Variants in RBM26 observed in about 807,000 individuals in gnomAD.
RBM26 encodes the protein RNA-binding protein 26.
Under a neutral mutation model 123.6 loss-of-function variants are expected in RBM26, and 30 were observed. The ratio of observed to expected loss-of-function variants is 0.24; its 90% CI spans 0.18 to 0.33. RBM26 has a LOEUF of 0.33. Among genes scored for constraint, RBM26 ranks in the 10% least tolerant of loss-of-function variants. The pLI, the probability that RBM26 is intolerant of heterozygous loss-of-function variation, is 1.00. For synonymous variants in RBM26, 400 were observed against 404.4 expected, an observed-to-expected ratio of 0.99 and a Z score of 0.13; for missense variants, 947 against 1,203.6, an observed-to-expected ratio of 0.79 and a Z score of 3.15.
chr13:79,340,596 A>G (rs1366949900), intron 18 of RBM26, among the ~76,000 whole-genome samples: 2 of 151,992 alleles, frequency 1.3e-5, no homozygotes, highest in East Asian at 3.8e-4. Context: ...ACAGGAATCA[A>G]TTTCACTAGG....
chr13:79,318,414 A>G (rs370215030), downstream of RBM26, among the ~76,000 whole-genome samples: 47 of 151,590 alleles, frequency 3.1e-4, no homozygotes, highest in East Asian at 7.3e-3. Flanking sequence ...AAATGAAAAC[A>G]TATGAAAGTA....
chr13:79,405,878 C>T lies in RBM26; in HGVS notation c.-104G>A, dbSNP rs1429649136. On this transcript the variant is annotated 5_prime_UTR_variant, in exon 1 of 22. Transcript: ENST00000438737. ...CTCCTCCGCGCGCCGCCCGCGTGGG[C>T]CGCGGTGGGAGGCGCCGGTGGCAGG... 3 of 604,412 alleles carry T rather than the reference C, an allele frequency of 5.0e-6. No individual in the cohort carries two copies. The highest frequency in any genetic ancestry group is 7.2e-6 in the Non-Finnish European group (3 of 414,070). 37.4% of individuals were successfully genotyped at this position (604,412 alleles called of 1,614,324 possible).
chr13:79,344,867 C>CT, intron 14 of RBM26, 73 bp from the exon 15 acceptor site: 1 of 1,407,620 alleles, frequency 7.1e-7, no homozygotes, highest in Non-Finnish European at 9.8e-7. Context: ...TAAGACTCAA[C>CT]TTTAAAGCAC....
In RBM26 at chr13:79,338,228, A is replaced by C. The variant is rs971346155; in HGVS notation, c.2533-926T>G. 2.6e-5 allele frequency among the ~76,000 whole-genome samples: 4 copies of C among 152,226 alleles called. 1 individual carries two copies. The highest frequency in any genetic ancestry group is 9.6e-5 in the African/African-American group (4 of 41,458). ...TTCCATCTTAAAAAACAACAAGAGC[A>C]ACTAAGTTATTTAACTATATTAATG... On this transcript the variant is annotated intron_variant, in intron 18 of 21. Transcript: ENST00000438737.
At chr13:79,366,412 C>T (rs2075273019) in intron 7 of RBM26, among the ~76,000 whole-genome samples, 1 of 152,092 alleles carries the variant, frequency 6.6e-6, no homozygotes, top group East Asian at 1.9e-4. Flanking sequence ...CTGGGTTTTA[C>T]CAGTGATATA....
chr13:79,333,650 A>C (rs753619157), intron 20 of RBM26, among the ~76,000 whole-genome samples: 29 of 152,312 alleles, frequency 1.9e-4, no homozygotes, highest in Middle Eastern at 6.8e-3. Context: ...AAGAACACAC[A>C]GGGCAAAAAA....
At chr13:79,335,527 T>C (rs2070201670) in intron 19 of RBM26, among the ~76,000 whole-genome samples, 1 of 152,176 alleles carries the variant, frequency 6.6e-6, no homozygotes, top group Non-Finnish European at 1.5e-5. Context: ...ACATCACATA[T>C]ATTAAATAAT....
chr13:79,386,252 G>A (rs1314995954), intron 1 of RBM26, among the ~76,000 whole-genome samples: 2 of 151,948 alleles, frequency 1.3e-5, no homozygotes, highest in Admixed American at 6.6e-5. Context: ...GTTATGACAT[G>A]TTATACTGGT....
At chr13:79,379,722 A>T (rs189853122) in intron 1 of RBM26, among the ~76,000 whole-genome samples, 3 of 152,230 alleles carry the variant, frequency 2.0e-5, no homozygotes, top group Non-Finnish European at 4.4e-5. Context: ...ACTCAGAATG[A>T]AGAGTCAACC....
intron 3 of RBM26, among the ~76,000 whole-genome samples, chr13:79,372,724 TTATA>T (rs1175585163): frequency 7.2e-6 from 1 of 139,384 alleles, no homozygotes; most frequent in Non-Finnish European, 1.5e-5. Flanking sequence ...TATTTACATA[TTATA>T]TATATTTATG....
intron 9 of RBM26, 72 bp from the exon 10 acceptor site, chr13:79,359,758 C>T: frequency 1.7e-6 from 1 of 580,962 alleles, no homozygotes; most frequent in Non-Finnish European, 2.7e-6. Context: ...AGATACCTTC[C>T]TCATACAGGA....
rs1379536524 is a variant in RBM26, at chr13:79,373,247, T to C, written c.328-1317A>G. Among the ~76,000 whole-genome samples the C allele has an allele frequency of 9.4e-5, 10 of 106,726 alleles. No individual in the cohort carries two copies. In the South Asian group the frequency reaches 2.3e-3, roughly 24 times the overall value. The allele number at this position is 106,726 out of a possible 152,430, so 70.0% of individuals were successfully genotyped here. Reference sequence around the variant, plus strand: ...AAATATGTATATGTTTATGTGTGTATGTATTTATGACTTGGTGAGTTCTAA... The same window carrying C: ...AAATATGTATATGTTTATGTGTGTACGTATTTATGACTTGGTGAGTTCTAA... On this transcript the variant is annotated intron_variant, in intron 3 of 21. Transcript: ENST00000438737.
rs576313601 is a variant in RBM26 at position 79,357,588 on chromosome 13, A to G, written c.1689+686T>C. 2.8e-3 allele frequency among the ~76,000 whole-genome samples: 419 copies of G among 152,298 alleles called. 2 individuals carry two copies. Among genetic ancestry groups the G allele is most frequent in the Non-Finnish European group, 4.3e-3 (291 of 68,026 alleles). ...AAAGAAAAAGTAAATGTTTAAACTA[A>G]TTACAGATTACAAGGTATCTGGGCC... On this transcript the variant is annotated intron_variant, in intron 11 of 21. Coordinates refer to ENST00000438737, the MANE Select transcript of RBM26 (RefSeq NM_001366735.2).
intron 20 of RBM26, among the ~76,000 whole-genome samples, chr13:79,326,435 G>C (rs1355568102): frequency 1.3e-5 from 2 of 152,072 alleles, no homozygotes; most frequent in Non-Finnish European, 2.9e-5. Context: ...AAAGGTGAAA[G>C]TGGACCTAAA....
In RBM26 at chr13:79,320,207, T is replaced by C; in HGVS notation, c.*414A>G. On this transcript the variant is annotated 3_prime_UTR_variant, in exon 22 of 22. Transcript: ENST00000438737. ...AGACTTTAGTTAGAGTACTATGTTA[T>C]CTATTCAGTTTTGAAAACATTCATT... 1 of 954,608 alleles carries C rather than the reference T, an allele frequency of 1.0e-6. No individual in the cohort carries two copies. The highest frequency in any genetic ancestry group is 1.2e-6 in the Non-Finnish European group (1 of 800,934). 59.1% of individuals were successfully genotyped at this position (954,608 alleles called of 1,614,324 possible).
At chr13:79,398,371 A>T (rs970315787) in intron 1 of RBM26, among the ~76,000 whole-genome samples, 1 of 152,226 alleles carries the variant, frequency 6.6e-6, no homozygotes, top group Admixed American at 6.5e-5. Context: ...ACTGTCAGCC[A>T]AAGATAAGGA....
At chr13:79,345,701 G>A (rs1046569816) in intron 14 of RBM26, among the ~76,000 whole-genome samples, 2 of 151,992 alleles carry the variant, frequency 1.3e-5, no homozygotes, top group African/African-American at 4.8e-5. Context: ...ATTCCAAGAG[G>A]GCAGAGATTT....
intron 1 of RBM26, among the ~76,000 whole-genome samples, chr13:79,398,600 ATTCTT>A (rs1379643712): frequency 2.0e-5 from 3 of 152,218 alleles, no homozygotes; most frequent in African/African-American, 4.8e-5. Context: ...AATTACTATA[ATTCTT>A]TTATGTGCAG....
chr13:79,380,850 A>G (rs1404104148), intron 1 of RBM26, among the ~76,000 whole-genome samples: 2 of 152,088 alleles, frequency 1.3e-5, no homozygotes, highest in Non-Finnish European at 2.9e-5. Flanking sequence ...TTTAGCTCCC[A>G]TATATGAGTG....
Sources: allele counts gnomAD v4.1 joint callset (sites outside exome capture counted in the v4.1 genomes callset), GRCh38; gene constraint gnomAD v4.1.1; transcripts MANE v1.5; gene names NCBI Gene and HGNC (gene_info 2026-07-23, HGNC 2026-07-21).